The following LINGO2 variants were observed in gnomAD, a reference collection of about 807,000 sequenced individuals.
LINGO2 encodes the protein leucine rich repeat and Ig domain containing 2.
A neutral mutation model predicts 30.6 loss-of-function variants in LINGO2; 14 were observed. The ratio of observed to expected loss-of-function variants is 0.46; its 90% CI spans 0.30 to 0.72. The LOEUF (loss-of-function observed/expected upper bound fraction) is 0.72, where lower values mean the gene tolerates loss of function less well. Ranked by LOEUF, LINGO2 falls within the 30% of genes least tolerant of loss-of-function variation. The probability of loss-of-function intolerance (pLI) is 0.07; values close to 1 mark genes in which losing one functional copy is unlikely to be tolerated. For synonymous variants in LINGO2, 317 were observed against 288.5 expected, an observed-to-expected ratio of 1.10 and a Z score of -1.00; for missense variants, 729 against 751.7, an observed-to-expected ratio of 0.97 and a Z score of 0.35.
At chr9:28,079,403 G>T (rs151177688) in intron 4 of LINGO2, among the ~76,000 whole-genome samples, 1 of 152,050 alleles carries the variant, frequency 6.6e-6, no homozygotes, top group African/African-American at 2.4e-5. Context: ...ACTGTGAGCC[G>T]TTCGTTTTTA....
intron 4 of LINGO2, among the ~76,000 whole-genome samples, chr9:28,156,847 C>G (rs1323759236): frequency 6.6e-6 from 1 of 152,254 alleles, no homozygotes; most frequent in Non-Finnish European, 1.5e-5. Context: ...CTGAAATGAT[C>G]TCCTTTGACT....
the LINGO2 span, among the ~76,000 whole-genome samples, chr9:29,135,214 A>G: frequency 2.6e-5 from 4 of 152,158 alleles, no homozygotes; most frequent in Admixed American, 1.3e-4. Context: ...GGTAAACCTC[A>G]TACTCTTTCC....
the LINGO2 span, among the ~76,000 whole-genome samples, chr9:28,700,983 T>C: frequency 6.6e-6 from 1 of 152,104 alleles, no homozygotes; most frequent in African/African-American, 2.4e-5. Flanking sequence ...TTAGGTCTTT[T>C]GCCCACTTTT....
At chr9:28,761,603 T>C in the LINGO2 span, among the ~76,000 whole-genome samples, 1 of 151,996 alleles carries the variant, frequency 6.6e-6, no homozygotes, top group Non-Finnish European at 1.5e-5. Flanking sequence ...AATGTCATCA[T>C]GGCTTAATAT....
chr9:29,051,433 T>C, the LINGO2 span, among the ~76,000 whole-genome samples: 2 of 152,178 alleles, frequency 1.3e-5, no homozygotes, highest in African/African-American at 4.8e-5. Flanking sequence ...TTCCTCCATG[T>C]CTTTTCATGG....
At chr9:28,052,374 G>A (rs893173217) in intron 4 of LINGO2, among the ~76,000 whole-genome samples, 52 of 152,198 alleles carry the variant, frequency 3.4e-4, no homozygotes, top group African/African-American at 1.2e-3. Flanking sequence ...TTAACACGAA[G>A]CACATTGCTC....
At chr9:28,273,685 T>C (rs1823020750) in intron 4 of LINGO2, among the ~76,000 whole-genome samples, 1 of 152,174 alleles carries the variant, frequency 6.6e-6, no homozygotes, top group Non-Finnish European at 1.5e-5. Context: ...TGTTACGACT[T>C]TGGGCAACTA....
chr9:28,030,131 A>G (rs962262032), intron 4 of LINGO2, among the ~76,000 whole-genome samples: 1 of 152,174 alleles, frequency 6.6e-6, no homozygotes, highest in African/African-American at 2.4e-5. Context: ...TCATTCAGGT[A>G]AAGCCAAAAA....
chr9:28,609,954 T>C (rs1369403636), intron 1 of LINGO2, among the ~76,000 whole-genome samples: 1 of 152,156 alleles, frequency 6.6e-6, no homozygotes, highest in Non-Finnish European at 1.5e-5. Flanking sequence ...AAAGACATAT[T>C]ATCATGTATT....
intron 1 of LINGO2, among the ~76,000 whole-genome samples, chr9:28,540,598 A>C (rs1198745471): frequency 6.6e-6 from 1 of 152,122 alleles, no homozygotes; most frequent in Admixed American, 6.6e-5. Flanking sequence ...TCTTCCAAAT[A>C]ATCTAAAGAA....
At chr9:28,011,043 G>A (rs899051994) in intron 5 of LINGO2, among the ~76,000 whole-genome samples, 35 of 152,096 alleles carry the variant, frequency 2.3e-4, no homozygotes, top group Admixed American at 1.9e-3. Context: ...AGTCAATTAG[G>A]TACAATAACA....
intron 4 of LINGO2, among the ~76,000 whole-genome samples, chr9:28,164,461 A>G (rs1378875428): frequency 6.6e-6 from 1 of 152,192 alleles, no homozygotes; most frequent in Non-Finnish European, 1.5e-5. Flanking sequence ...CATCTTAGAG[A>G]TAAAAATACA....
the LINGO2 span, among the ~76,000 whole-genome samples, chr9:28,994,308 C>A: frequency 6.6e-6 from 1 of 152,104 alleles, no homozygotes; most frequent in Non-Finnish European, 1.5e-5. Context: ...ATCCAACTTA[C>A]AAGGGATGTG....
chr9:28,777,732 G>A, the LINGO2 span, among the ~76,000 whole-genome samples: 2 of 152,154 alleles, frequency 1.3e-5, no homozygotes, highest in Non-Finnish European at 2.9e-5. Flanking sequence ...ATGTGGGTAG[G>A]AGACATTATA....
the LINGO2 span, among the ~76,000 whole-genome samples, chr9:28,886,217 A>G: frequency 6.6e-6 from 1 of 152,150 alleles, no homozygotes; most frequent in Non-Finnish European, 1.5e-5. Context: ...AGGGGAAGAA[A>G]ATTAATTGCA....
rs1827837631 is a variant in LINGO2, at chr9:28,147,184, G to A, written c.-86-134779C>T. 6.6e-6 allele frequency among the ~76,000 whole-genome samples: 1 copy of A among 152,198 alleles called. No homozygotes were observed. ...TATTACAGATATGCCATGGTGCTAA[G>A]TACCCCAGGACTACAGGAAAAAATA... On this transcript the variant is annotated intron_variant, in intron 4 of 5. Coordinates refer to ENST00000379992, the Ensembl canonical transcript of LINGO2. The surrounding 1 kb of genome is among the most constrained non-coding windows in gnomAD (Gnocchi z 4.7).
chr9:28,008,237 C>T lies in LINGO2; in HGVS notation c.-36+4118G>A, dbSNP rs965204209. 4.1e-4 allele frequency among the ~76,000 whole-genome samples: 62 copies of T among 152,106 alleles called. 1 individual carries two copies. Among genetic ancestry groups the T allele is most frequent in the Non-Finnish European group, 1.0e-4 (7 of 68,014 alleles). On this transcript the variant is annotated intron_variant, in intron 5 of 5. Transcript: ENST00000379992. ...AAATATTAAAGTCTAATATGATTCTCTTATGATGTTTCTCAGCCTTCTGGT... is the reference window on the plus strand; with the variant it reads ...AAATATTAAAGTCTAATATGATTCTTTTATGATGTTTCTCAGCCTTCTGGT...
At position 28,506,459 on chromosome 9, in the gene LINGO2, CACAT is replaced by C. The variant is rs1280270882; in HGVS notation, c.-364-30438_-364-30435del. 7.2e-4 allele frequency among the ~76,000 whole-genome samples: 57 copies of C among 79,008 alleles called. 1 individual carries two copies. Among genetic ancestry groups the C allele is most frequent in the African/African-American group, 2.9e-3 (54 of 18,558 alleles). 51.8% of individuals were successfully genotyped at this position (79,008 alleles called of 152,430 possible). A position where few individuals can be genotyped will look rare whatever the true frequency, so the allele number is the denominator to read the frequency against. On this transcript the variant is annotated intron_variant, in intron 1 of 5. Transcript: ENST00000379992. ...ACACACACACACACACACACACATA[CACAT>C]ACACACACACACACACATACACATA...
chr9:28,004,771 G>A (rs1822177127), intron 5 of LINGO2, among the ~76,000 whole-genome samples: 1 of 152,194 alleles, frequency 6.6e-6, no homozygotes. Flanking sequence ...AGCAGAATGA[G>A]AAAGAGACAC....
Sources: allele counts gnomAD v4.1 joint callset (sites outside exome capture counted in the v4.1 genomes callset), GRCh38; gene constraint gnomAD v4.1.1; non-coding constraint Gnocchi (gnomAD v3.1); transcripts MANE v1.5; gene names NCBI Gene and HGNC (gene_info 2026-07-23, HGNC 2026-07-21).